TTC7B: variants seen among roughly 807,000 people sequenced by gnomAD.
TTC7B encodes the protein tetratricopeptide repeat protein 7B.
A neutral mutation model predicts 106.8 loss-of-function variants in TTC7B; 28 were observed. The ratio of observed to expected loss-of-function variants is 0.26; its 90% CI spans 0.19 to 0.36. The LOEUF is 0.36. Ranked by LOEUF, TTC7B falls within the 10% of genes least tolerant of loss-of-function variation. The pLI is 1.00. For synonymous variants in TTC7B, 405 were observed against 430.6 expected (o/e 0.94, Z 0.74); for missense variants, 862 against 1,076.4 (o/e 0.80, Z 2.79).
chr14:90,693,198 T>C (rs976625806), intron 6 of TTC7B, among the ~76,000 whole-genome samples: 1 of 152,148 alleles, frequency 6.6e-6, no homozygotes, highest in African/African-American at 2.4e-5. Context: ...CTGTGACATG[T>C]GGCATTTGCT....
chr14:90,715,434 G>A (rs1351980698), intron 5 of TTC7B, among the ~76,000 whole-genome samples: 1 of 151,902 alleles, frequency 6.6e-6, no homozygotes, highest in Admixed American at 6.6e-5. Context: ...CCCTCTATGG[G>A]AGCTGGAAAC....
rs1468301105 is a variant in TTC7B at position 90,802,591 on chromosome 14, G to C, written c.121+13584C>G. The stretch of plus-strand genomic sequence containing the variant: ...CAAGGTCATGAGCTAGGCATGAGAG[G>C]GTGGCTTTCAAAGGAAGGGAGGGAG... On this transcript the variant is annotated intron_variant, in intron 1 of 19. Transcript: ENST00000328459. This position sits in a 1 kb window ranked among gnomAD's most constrained non-coding sequence, Gnocchi z 4.7. 2.0e-5 allele frequency among the ~76,000 whole-genome samples: 3 copies of C among 152,150 alleles called. No individual in the cohort carries two copies. The highest frequency in any genetic ancestry group is 2.9e-5 in the Non-Finnish European group (2 of 68,020).
At chr14:90,605,215 G>A (rs1279411615) in intron 17 of TTC7B, among the ~76,000 whole-genome samples, 1 of 152,190 alleles carries the variant, frequency 6.6e-6, no homozygotes, top group Admixed American at 6.5e-5. Context: ...TACGCTGGTT[G>A]AATTCATTTC....
intron 1 of TTC7B, among the ~76,000 whole-genome samples, chr14:90,803,756 T>G (rs192500352): frequency 6.6e-6 from 1 of 152,084 alleles, no homozygotes; most frequent in East Asian, 1.9e-4. Flanking sequence ...GAGTAAAGTG[T>G]GGGAAGAGAA....
At chr14:90,625,335 C>T (rs564607420) in intron 15 of TTC7B, among the ~76,000 whole-genome samples, 3 of 152,302 alleles carry the variant, frequency 2.0e-5, no homozygotes, top group East Asian at 3.9e-4. Context: ...TCGAATCCAT[C>T]GACCCAGGCC....
rs1889152771 is a variant in TTC7B at position 90,526,509 on chromosome 14, T to G, written c.*14859A>C. 1 of 152,236 alleles carries G rather than the reference T, an allele frequency of 6.6e-6. No individual in the cohort carries two copies. Among genetic ancestry groups the G allele is most frequent in the Non-Finnish European group, 1.5e-5 (1 of 68,040 alleles). 9.4% of individuals were successfully genotyped at this position (152,236 alleles called of 1,614,324 possible). On this transcript the variant is annotated 3_prime_UTR_variant, in exon 20 of 20. Coordinates refer to ENST00000328459, the MANE Select transcript of TTC7B (RefSeq NM_001010854.2). ...AATTACTAGTAACCAAACTCCAGAC[T>G]TTATTTAGATGTCAGCAGCTTATAA...
Position 90,780,747 on chromosome 14 carries a change from C to A in TTC7B, c.436G>T (p.Ala146Ser), listed in dbSNP as rs768189460. Reference sequence around the variant, plus strand: ...AAGGCACGGGCCTCACCTTTGGTAGCGTAGGCTTCTGCGATCACCCGCAGC... The same window carrying A: ...AAGGCACGGGCCTCACCTTTGGTAGAGTAGGCTTCTGCGATCACCCGCAGC... ...YRLRVIAEAY[A>S]TKGLCLEKLP... The change falls in exon 3 of 20, where the codon GCT becomes TCT. Residue 146 changes from alanine to serine, a missense_variant. Coordinates refer to ENST00000328459, the MANE Select transcript of TTC7B (RefSeq NM_001010854.2). 1.2e-6 allele frequency: 2 copies of A among 1,614,082 alleles called. No individual in the cohort carries two copies. Among genetic ancestry groups the A allele is most frequent in the South Asian group, 2.2e-5 (2 of 91,070 alleles).
At chr14:90,689,142 AG>A (rs761477299) in intron 7 of TTC7B, among the ~76,000 whole-genome samples, 36 of 152,374 alleles carry the variant, frequency 2.4e-4, no homozygotes, top group Middle Eastern at 3.4e-3. Flanking sequence ...TTTAAACAAA[AG>A]GATCAAGGAA....
At chr14:90,629,206 G>C (rs1181363718) in intron 15 of TTC7B, among the ~76,000 whole-genome samples, 2 of 151,866 alleles carry the variant, frequency 1.3e-5, no homozygotes. Context: ...GATAAATTTG[G>C]AGATTCTCTC....
At chr14:90,542,085 G>A (rs780227896) in intron 19 of TTC7B, among the ~76,000 whole-genome samples, 98 of 152,176 alleles carry the variant, frequency 6.4e-4, no homozygotes, top group Non-Finnish European at 1.3e-3. Flanking sequence ...GACTACAGGC[G>A]CCCGCCACCA....
chr14:90,597,503 C>A (rs1032413290), intron 17 of TTC7B, among the ~76,000 whole-genome samples: 55 of 152,072 alleles, frequency 3.6e-4, no homozygotes, highest in African/African-American at 1.3e-3. Context: ...ACTAAAAATA[C>A]AAAAAGTAGC....
intron 15 of TTC7B, among the ~76,000 whole-genome samples, chr14:90,634,471 T>G (rs1884842406): frequency 6.6e-6 from 1 of 151,984 alleles, no homozygotes; most frequent in African/African-American, 2.4e-5. Context: ...CTGCTATTTA[T>G]TATATAAGAA....
chr14:90,703,699 C>G (rs1463121390), intron 5 of TTC7B, among the ~76,000 whole-genome samples: 1 of 152,218 alleles, frequency 6.6e-6, no homozygotes, highest in African/African-American at 2.4e-5. Context: ...GCGTCGCAAG[C>G]CTACAGGCCT....
rs1379283733 is a variant in TTC7B, at chr14:90,526,104, A to G, written c.*15264T>C. 6.6e-6 allele frequency: 1 copy of G among 152,270 alleles called. No individual in the cohort carries two copies. The highest frequency in any genetic ancestry group is 1.9e-4 in the East Asian group (1 of 5,190). 9.4% of individuals were successfully genotyped at this position (152,270 alleles called of 1,614,324 possible). A position where few individuals can be genotyped will look rare whatever the true frequency, so the allele number is the denominator to read the frequency against. On this transcript the variant is annotated 3_prime_UTR_variant, in exon 20 of 20. Transcript: ENST00000328459. The stretch of plus-strand genomic sequence containing the variant: ...GTCTAACTTTTTAAGAAACTGCCAA[A>G]CTGTTTTCCAAAGTGGCTGTACCAT...
intron 3 of TTC7B, among the ~76,000 whole-genome samples, chr14:90,749,656 C>T (rs1031252664): frequency 2.0e-5 from 3 of 152,186 alleles, no homozygotes; most frequent in Non-Finnish European, 2.9e-5. Context: ...CCACCTGCCT[C>T]GGCCTCCCAA....
chr14:90,650,396 G>A (rs1237518348), intron 13 of TTC7B, among the ~76,000 whole-genome samples: 1 of 152,066 alleles, frequency 6.6e-6, no homozygotes, highest in African/African-American at 2.4e-5. Context: ...ACTCACACAG[G>A]GTGACCAACT....
At chr14:90,559,180 C>T (rs1890462859) in intron 19 of TTC7B, among the ~76,000 whole-genome samples, 1 of 152,244 alleles carries the variant, frequency 6.6e-6, no homozygotes, top group South Asian at 2.1e-4. Flanking sequence ...CACCCGGCCA[C>T]CTGCCATGTA....
intron 3 of TTC7B, among the ~76,000 whole-genome samples, chr14:90,746,083 G>A (rs898928823): frequency 6.6e-6 from 1 of 151,978 alleles, no homozygotes; most frequent in African/African-American, 2.4e-5. Flanking sequence ...TTTGATATTA[G>A]GTAAATACCA....
At chr14:90,647,074 C>G in intron 13 of TTC7B, 51 bp from the exon 14 acceptor site, 1 of 1,520,332 alleles carries the variant, frequency 6.6e-7, no homozygotes. Flanking sequence ...GCCATTTTTA[C>G]TTTCCCTATC....
Sources: allele counts gnomAD v4.1 joint callset (sites outside exome capture counted in the v4.1 genomes callset), GRCh38; gene constraint gnomAD v4.1.1; non-coding constraint Gnocchi (gnomAD v3.1); transcripts MANE v1.5; gene names NCBI Gene and HGNC (gene_info 2026-07-23, HGNC 2026-07-21).